COL24A1: variants seen among roughly 807,000 people sequenced by gnomAD.
COL24A1 encodes collagen type XXIV alpha 1 chain, also known as collagen alpha-1(XXIV) chain.
Under a neutral mutation model 253.9 loss-of-function variants are expected in COL24A1, and 224 were observed. The observed-to-expected ratio is 0.88, with a 90% CI of 0.79 to 0.99. COL24A1 has a LOEUF of 0.99. Among genes scored for constraint, COL24A1 ranks in the 50% least tolerant of loss-of-function variants. The probability of loss-of-function intolerance (pLI) is 0.00; values close to 1 mark genes in which losing one functional copy is unlikely to be tolerated. For synonymous variants in COL24A1, 685 were observed against 673.7 expected (o/e 1.02, Z -0.26); for missense variants, 2,131 against 2,068.5 (o/e 1.03, Z -0.59).
intron 7 of COL24A1, among the ~76,000 whole-genome samples, chr1:86,067,154 A>G (rs1261508648): frequency 5.9e-5 from 9 of 152,032 alleles, no homozygotes; most frequent in Non-Finnish European, 8.8e-5. Context: ...AGAAGAAAAA[A>G]AAAAAAAGAG....
At chr1:86,009,152 G>T (rs1163310336) in intron 19 of COL24A1, among the ~76,000 whole-genome samples, 1 of 152,118 alleles carries the variant, frequency 6.6e-6, no homozygotes, top group Non-Finnish European at 1.5e-5. Context: ...TGCAAATGTA[G>T]CCAGGAAAAC....
chr1:85,784,003 C>A, intron 50 of COL24A1, 110 bp downstream of exon 50: 1 of 755,162 alleles, frequency 1.3e-6, no homozygotes, highest in Non-Finnish European at 2.1e-6. Context: ...TAAATATGTA[C>A]CAACTGAAAT....
At chr1:85,945,983 T>A (rs561049611) in intron 24 of COL24A1, among the ~76,000 whole-genome samples, 11 of 152,294 alleles carry the variant, frequency 7.2e-5, no homozygotes, top group African/African-American at 2.6e-4. Flanking sequence ...TCTTGGCTGA[T>A]GTCTGGGGAA....
Position 86,066,568 on chromosome 1 carries a change from C to T in COL24A1, c.1708-2809G>A, listed in dbSNP as rs558652018. Reference sequence around the variant, plus strand: ...TAAAATATCCTAAGTCCCCTTTCTACGCAATCCGAAGAGCCTAAGTAAAGC... The same window carrying T: ...TAAAATATCCTAAGTCCCCTTTCTATGCAATCCGAAGAGCCTAAGTAAAGC... On this transcript the variant is annotated intron_variant, in intron 7 of 59. Coordinates refer to ENST00000370571, the MANE Select transcript of COL24A1 (RefSeq NM_152890.7). Among the ~76,000 whole-genome samples, 8 of 152,028 alleles carry T rather than the reference C, an allele frequency of 5.3e-5. No individual in the cohort carries two copies. The South Asian group carries it at 1.3e-3, about 24-fold the overall frequency.
chr1:86,151,473 A>C (rs1318827916), intron 1 of COL24A1, among the ~76,000 whole-genome samples: 1 of 152,184 alleles, frequency 6.6e-6, no homozygotes, highest in Non-Finnish European at 1.5e-5. Flanking sequence ...CAAGATATTG[A>C]TAGCTAACAA....
At chr1:85,947,449 T>C (rs1030077354) in intron 24 of COL24A1, among the ~76,000 whole-genome samples, 2 of 152,208 alleles carry the variant, frequency 1.3e-5, no homozygotes, top group Admixed American at 1.3e-4. Context: ...AACATGCATA[T>C]TCTTTCAGTT....
At chr1:85,933,228 G>C (rs1303320829) in intron 24 of COL24A1, among the ~76,000 whole-genome samples, 1 of 152,066 alleles carries the variant, frequency 6.6e-6, no homozygotes, top group Non-Finnish European at 1.5e-5. Context: ...TAAAGGATGT[G>C]GTTGCAAAAT....
At chr1:85,935,895 C>A (rs1256202732) in intron 24 of COL24A1, among the ~76,000 whole-genome samples, 1 of 147,450 alleles carries the variant, frequency 6.8e-6, no homozygotes, top group Non-Finnish European at 1.5e-5. Flanking sequence ...ATTAACCCTG[C>A]AATAAGCTCC....
chr1:85,730,896 CTGTT>C (rs140379810), intron 59 of COL24A1, among the ~76,000 whole-genome samples: 104 of 152,286 alleles, frequency 6.8e-4, no homozygotes, highest in South Asian at 3.5e-3. Context: ...ATGGCACTGT[CTGTT>C]CTAATTTTTC....
At chr1:86,072,186 T>A (rs1701926258) in intron 7 of COL24A1, among the ~76,000 whole-genome samples, 1 of 152,164 alleles carries the variant, frequency 6.6e-6, no homozygotes, top group Non-Finnish European at 1.5e-5. Context: ...GAAAGGAGGC[T>A]GAAGCCAGGG....
chr1:85,815,549 A>T (rs1286674341), intron 47 of COL24A1, among the ~76,000 whole-genome samples: 2 of 152,208 alleles, frequency 1.3e-5, no homozygotes, highest in South Asian at 2.1e-4. Flanking sequence ...TTTTCAGAGA[A>T]TCTGACTAGA....
chr1:85,968,565 T>A (rs1018829497), intron 22 of COL24A1, among the ~76,000 whole-genome samples: 14 of 152,178 alleles, frequency 9.2e-5, no homozygotes. Context: ...TATTATTAAA[T>A]ATCAATTGTT....
At chr1:85,921,732 C>T (rs1686521594) in intron 24 of COL24A1, among the ~76,000 whole-genome samples, 1 of 152,142 alleles carries the variant, frequency 6.6e-6, no homozygotes, top group Non-Finnish European at 1.5e-5. Flanking sequence ...AGCAGAAAAG[C>T]TAAAAATTCC....
chr1:85,862,076 A>G (rs1474242387), intron 37 of COL24A1, among the ~76,000 whole-genome samples: 3 of 152,156 alleles, frequency 2.0e-5, no homozygotes, highest in African/African-American at 4.8e-5. Flanking sequence ...TATGTTCTCT[A>G]TCTTTAACTA....
At chr1:86,010,134 T>G (rs1558994339) in intron 19 of COL24A1, among the ~76,000 whole-genome samples, 2 of 152,178 alleles carry the variant, frequency 1.3e-5, no homozygotes, top group Non-Finnish European at 2.9e-5. Flanking sequence ...AAAACATAGG[T>G]GATTTCTTTA....
At chr1:86,105,640 T>A (rs1363307688) in intron 5 of COL24A1, among the ~76,000 whole-genome samples, 1 of 125,974 alleles carries the variant, frequency 7.9e-6, no homozygotes, top group African/African-American at 2.6e-5. Flanking sequence ...CCTAGGGGGA[T>A]TGGCATTCCT....
chr1:85,919,893 C>T (rs562832321), intron 24 of COL24A1, among the ~76,000 whole-genome samples: 29 of 152,276 alleles, frequency 1.9e-4, no homozygotes, highest in African/African-American at 6.5e-4. Flanking sequence ...TACGTATTAA[C>T]ATAAAATTGA....
chr1:85,830,750 C>T (rs189513349), intron 43 of COL24A1, among the ~76,000 whole-genome samples: 20 of 152,260 alleles, frequency 1.3e-4, no homozygotes, highest in Admixed American at 3.9e-4. Context: ...TTGCGCTTGC[C>T]GAGTGAGGCA....
At chr1:85,985,429 C>T (rs1693642156) in intron 20 of COL24A1, among the ~76,000 whole-genome samples, 1 of 151,582 alleles carries the variant, frequency 6.6e-6, no homozygotes, top group Non-Finnish European at 1.5e-5. Flanking sequence ...TCATAAAGAA[C>T]GTTGTATAAA....
Sources: gnomAD v4.1 joint callset for allele counts (sites outside exome capture counted in the v4.1 genomes callset) on GRCh38, gnomAD v4.1.1 for gene constraint, MANE v1.5 for transcripts, NCBI Gene and HGNC (gene_info 2026-07-23, HGNC 2026-07-21) for gene names.